The following DPYD variants were observed in gnomAD, a reference collection of about 807,000 sequenced individuals.
DPYD encodes dihydropyrimidine dehydrogenase [NADP(+)].
DPYD carries 109 observed loss-of-function variants against 116.2 expected under a neutral mutation model. The observed-to-expected ratio is 0.94, with a 90% CI of 0.80 to 1.10. The LOEUF (loss-of-function observed/expected upper bound fraction) is 1.10. DPYD is among the 50% of genes least tolerant of loss of function. The probability of loss-of-function intolerance (pLI) is 0.00; values close to 1 mark genes in which losing one functional copy is unlikely to be tolerated. For missense variants in DPYD, 1,302 were observed against 1,254.5 expected, an observed-to-expected ratio of 1.04 and a Z score of -0.57; for synonymous variants, 440 against 432.0, an observed-to-expected ratio of 1.02 and a Z score of -0.23.
intron 19 of DPYD, among the ~76,000 whole-genome samples, chr1:97,231,537 T>C (rs909051666): frequency 6.6e-6 from 1 of 152,104 alleles, no homozygotes; most frequent in Admixed American, 6.5e-5. Context: ...CCACCAGATC[T>C]AGTGAGACTT....
intron 3 of DPYD, among the ~76,000 whole-genome samples, chr1:97,759,373 T>C (rs2101122520): frequency 6.6e-6 from 1 of 152,300 alleles, no homozygotes; most frequent in Non-Finnish European, 1.5e-5. Flanking sequence ...TTTGAGTCTT[T>C]ACTGCCCATT....
At chr1:97,204,995 T>G (rs544786224) in intron 19 of DPYD, among the ~76,000 whole-genome samples, 13 of 152,014 alleles carry the variant, frequency 8.6e-5, no homozygotes, top group Non-Finnish European at 2.9e-5. Flanking sequence ...AAATAATTAA[T>G]AGACTTTGCT....
intron 20 of DPYD, among the ~76,000 whole-genome samples, chr1:97,130,814 TTTC>T (rs1291215248): frequency 2.5e-5 from 1 of 39,488 alleles, no homozygotes; most frequent in Non-Finnish European, 5.3e-5. Context: ...TCTTTCTTTC[TTTC>T]TTCCTTTCTT....
At chr1:97,862,864 G>A (rs1305405018) in intron 2 of DPYD, among the ~76,000 whole-genome samples, 2 of 151,860 alleles carry the variant, frequency 1.3e-5, no homozygotes, top group South Asian at 2.1e-4. Flanking sequence ...GTAAGTGAAT[G>A]AGAAAATGAT....
intron 2 of DPYD, among the ~76,000 whole-genome samples, chr1:97,842,879 T>C (rs1262166309): frequency 6.6e-6 from 1 of 152,106 alleles, no homozygotes; most frequent in Admixed American, 6.5e-5. Context: ...AGTACATTTT[T>C]TAGTTCTCAT....
intron 13 of DPYD, among the ~76,000 whole-genome samples, chr1:97,485,560 C>T (rs1678583655): frequency 6.6e-6 from 1 of 152,064 alleles, no homozygotes; most frequent in African/African-American, 2.4e-5. Flanking sequence ...ATATTTTATT[C>T]ATATTTTCTA....
intron 20 of DPYD, among the ~76,000 whole-genome samples, chr1:97,158,636 G>A (rs1655667910): frequency 6.6e-6 from 1 of 151,892 alleles, no homozygotes; most frequent in Non-Finnish European, 1.5e-5. Context: ...GGCTCAGGGG[G>A]TGGTACCAAG....
chr1:97,903,679 C>A (rs1345938710), intron 1 of DPYD, among the ~76,000 whole-genome samples: 1 of 151,752 alleles, frequency 6.6e-6, no homozygotes, highest in Non-Finnish European at 1.5e-5. Context: ...CACATTCAGG[C>A]CCATTGTTTG....
chr1:97,301,257 T>C (rs1666843486), intron 18 of DPYD, among the ~76,000 whole-genome samples: 1 of 151,996 alleles, frequency 6.6e-6, no homozygotes. Context: ...AATAATAAAG[T>C]TTATGTCTTA....
chr1:97,336,469 C>T (rs1313765104), intron 16 of DPYD, among the ~76,000 whole-genome samples: 1 of 152,124 alleles, frequency 6.6e-6, no homozygotes, highest in African/African-American at 2.4e-5. Flanking sequence ...GGAAAGAAGG[C>T]TGGGTGTGAT....
rs372513927 is a variant in DPYD, at chr1:97,649,363, G to A, written c.850+29732C>T. 9.2e-5 allele frequency among the ~76,000 whole-genome samples: 14 copies of A among 152,004 alleles called. No individual in the cohort carries two copies. In the South Asian group the frequency reaches 2.9e-3, roughly 32 times the overall value. On this transcript the variant is annotated intron_variant, in intron 8 of 22. Coordinates refer to ENST00000370192, the MANE Select transcript of DPYD (RefSeq NM_000110.4). The stretch of plus-strand genomic sequence containing the variant: ...TGAGTGAAATATTCCTGACAGTGAG[G>A]GTTAGCAAATTTTAGAAAATAAAAA...
chr1:97,855,757 G>T (rs1355796324), intron 2 of DPYD: 1 of 152,110 alleles, frequency 6.6e-6, no homozygotes, highest in Non-Finnish European at 1.5e-5. Context: ...AAGACACTTC[G>T]GATAAAAATT....
At chr1:97,851,685 CT>C (rs1670575182) in intron 2 of DPYD, among the ~76,000 whole-genome samples, 1 of 146,274 alleles carries the variant, frequency 6.8e-6, no homozygotes, top group Non-Finnish European at 1.5e-5. Context: ...AAATTTCTAC[CT>C]TGGCTAATGG....
intron 16 of DPYD, among the ~76,000 whole-genome samples, chr1:97,350,175 T>C (rs1024811414): frequency 1.3e-5 from 2 of 151,952 alleles, no homozygotes; most frequent in African/African-American, 4.8e-5. Context: ...CATGGGAAAA[T>C]TGAAATCTGC....
At chr1:97,344,475 A>G (rs1050620069) in intron 16 of DPYD, among the ~76,000 whole-genome samples, 5 of 151,414 alleles carry the variant, frequency 3.3e-5, no homozygotes, top group Non-Finnish European at 5.9e-5. Flanking sequence ...GTTGGTGTCT[A>G]TTCTTTTCAT....
At chr1:97,335,921 C>T (rs1669262328) in intron 16 of DPYD, among the ~76,000 whole-genome samples, 1 of 152,148 alleles carries the variant, frequency 6.6e-6, no homozygotes, top group Non-Finnish European at 1.5e-5. Flanking sequence ...CTCCCTTTGA[C>T]TCTCATGGGC....
intron 2 of DPYD, among the ~76,000 whole-genome samples, chr1:97,881,250 A>T (rs939639630): frequency 1.3e-5 from 2 of 152,018 alleles, no homozygotes; most frequent in African/African-American, 4.8e-5. Flanking sequence ...AATATAGCCG[A>T]TGTCCTTATT....
chr1:97,505,062 G>A (rs7516492), intron 13 of DPYD, among the ~76,000 whole-genome samples: 43,187 of 151,756 alleles, frequency 0.28, 6,236 homozygotes, highest in East Asian at 0.48. Context: ...TCTCCTTACC[G>A]ATAAAGAATG....
chr1:97,170,256 G>C (rs1443712572), intron 20 of DPYD, among the ~76,000 whole-genome samples: 1 of 152,158 alleles, frequency 6.6e-6, no homozygotes, highest in Non-Finnish European at 1.5e-5. Context: ...ACACTCTAAG[G>C]TCCTTGGCAG....
Sources: gnomAD v4.1 joint callset for allele counts (sites outside exome capture counted in the v4.1 genomes callset) on GRCh38, gnomAD v4.1.1 for gene constraint, MANE v1.5 for transcripts, NCBI Gene and HGNC (gene_info 2026-07-23, HGNC 2026-07-21) for gene names.